The following PCDHGA1 variants were observed in gnomAD, a reference collection of about 807,000 sequenced individuals.
PCDHGA1 encodes the protein protocadherin gamma subfamily A, 1, also known as protocadherin gamma-A1.
PCDHGA1 carries 32 observed loss-of-function variants against 58.0 expected under a neutral mutation model. That is an observed-to-expected ratio of 0.55 (90% confidence interval 0.42 to 0.74). The LOEUF is 0.74. PCDHGA1 is among the 30% of genes least tolerant of loss of function. The probability of loss-of-function intolerance (pLI) is 0.00; values close to 1 mark genes in which losing one functional copy is unlikely to be tolerated. For synonymous variants in PCDHGA1, 498 were observed against 501.1 expected (o/e 0.99, Z 0.08); for missense variants, 1,205 against 1,182.3 (o/e 1.02, Z -0.28).
At chr5:141,457,802 T>C (rs1332412750) in intron 1 of PCDHGA1, among the ~76,000 whole-genome samples, 1 of 152,210 alleles carries the variant, frequency 6.6e-6, no homozygotes, top group Non-Finnish European at 1.5e-5. Context: ...TCCTCTCCTC[T>C]TGAGGTCCCA....
At chr5:141,426,876 C>T (rs796453479) in intron 1 of PCDHGA1, 2 of 456,726 alleles carry the variant, frequency 4.4e-6, no homozygotes, top group African/African-American at 2.0e-5. Context: ...GGAGAAGCCC[C>T]TGGGCCAGGA....
At chr5:141,365,912 C>G in intron 1 of PCDHGA1, 1 of 1,614,238 alleles carries the variant, frequency 6.2e-7, no homozygotes, top group Non-Finnish European at 8.5e-7. Flanking sequence ...GTTGAGAGAC[C>G]TACAGTTGTG....
intron 1 of PCDHGA1, among the ~76,000 whole-genome samples, chr5:141,349,171 G>A (rs1007619179): frequency 6.6e-6 from 1 of 152,186 alleles, no homozygotes; most frequent in Non-Finnish European, 1.5e-5. Flanking sequence ...CCTGAGTTAA[G>A]TGATTCTGCT....
At chr5:141,342,752 A>G (rs1363363622) in intron 1 of PCDHGA1, 1 of 152,256 alleles carries the variant, frequency 6.6e-6, no homozygotes, top group African/African-American at 2.4e-5. Flanking sequence ...TATGTAATGC[A>G]TCATGATTGA....
At chr5:141,419,793 C>T in intron 1 of PCDHGA1, 1 of 1,614,072 alleles carries the variant, frequency 6.2e-7, no homozygotes, top group East Asian at 2.2e-5. Flanking sequence ...CTGCTAGTCG[C>T]TGTAAGAGAT....
intron 1 of PCDHGA1, among the ~76,000 whole-genome samples, chr5:141,387,513 TA>T (rs1226986342): frequency 5.3e-5 from 8 of 152,366 alleles, no homozygotes; most frequent in East Asian, 3.9e-4. Flanking sequence ...TAGACGTCAT[TA>T]AATATACAGA....
At chr5:141,339,984 T>G (rs780150881) in intron 1 of PCDHGA1, 1 of 1,614,088 alleles carries the variant, frequency 6.2e-7, no homozygotes, top group Non-Finnish European at 8.5e-7. Flanking sequence ...GTCACGGTTC[T>G]GGATGTGAAT....
At chr5:141,422,500 G>A (rs762511271) in intron 1 of PCDHGA1, 1 of 1,614,008 alleles carries the variant, frequency 6.2e-7, no homozygotes, top group Non-Finnish European at 8.5e-7. Flanking sequence ...AACGTTGACA[G>A]CCACAGACCA....
intron 1 of PCDHGA1, chr5:141,357,628 C>A (rs1335077514): frequency 2.5e-6 from 4 of 1,613,256 alleles, no homozygotes; most frequent in Non-Finnish European, 2.5e-6. Context: ...TCAGGTGAGT[C>A]AATCTTATAA....
At chr5:141,469,362 G>C (rs915161729) in intron 1 of PCDHGA1, among the ~76,000 whole-genome samples, 14 of 152,084 alleles carry the variant, frequency 9.2e-5, no homozygotes, top group Non-Finnish European at 7.4e-5. Flanking sequence ...GGATCATGAG[G>C]TAAAGAGATC....
chr5:141,345,756 G>A (rs1284444428), intron 1 of PCDHGA1: 2 of 1,614,198 alleles, frequency 1.2e-6, no homozygotes, highest in Non-Finnish European at 1.7e-6. Context: ...TTCCACTGGC[G>A]TGGAGCTGGC....
At position 141,371,231 on chromosome 5, in the gene PCDHGA1, T is replaced by C. The variant is rs770415345; in HGVS notation, c.2421+38126T>C. 5.6e-6 allele frequency: 9 copies of C among 1,613,934 alleles called. No homozygotes were observed. In the African/African-American group the frequency reaches 6.7e-5, roughly 12 times the overall value. ...AGGGCATCAATGCCGAAATCATCTA[T>C]GCCTTCATCAATATTGGCAAGGAAG... On this transcript the variant is annotated intron_variant, in intron 1 of 3. Coordinates refer to ENST00000517417, the MANE Select transcript of PCDHGA1 (RefSeq NM_018912.3).
Position 141,476,876 on chromosome 5 carries a change from C to A in PCDHGA1, c.2422-17931C>A, listed in dbSNP as rs1201654822. 1.2e-6 allele frequency: 2 copies of A among 1,613,994 alleles called. No individual in the cohort carries two copies. Among genetic ancestry groups the A allele is most frequent in the Non-Finnish European group, 1.7e-6 (2 of 1,180,048 alleles). ...CCAGTCCTTGTACCGGGCGCGCGTC[C>A]TGGAGGATGCACCCTCCGGCACGCG... On this transcript the variant is annotated intron_variant, in intron 1 of 3. Transcript: ENST00000517417. The surrounding 1 kb of genome is among the most constrained non-coding windows in gnomAD (Gnocchi z 7.6).
chr5:141,344,631 C>T (rs769723032), intron 1 of PCDHGA1: 5 of 1,613,924 alleles, frequency 3.1e-6, no homozygotes, highest in Non-Finnish European at 4.2e-6. Context: ...GGAGCGGGCC[C>T]TGGACCGTGA....
intron 1 of PCDHGA1, chr5:141,345,155 A>AG: frequency 1.2e-6 from 2 of 1,614,040 alleles, no homozygotes; most frequent in Middle Eastern, 3.3e-4. Flanking sequence ...TGCATGACCG[A>AG]GATTCTGGGC....
intron 1 of PCDHGA1, chr5:141,389,444 C>T: frequency 6.2e-7 from 1 of 1,610,564 alleles, no homozygotes; most frequent in South Asian, 1.1e-5. Flanking sequence ...CCTTCGACCA[C>T]GAGCAGCTGC....
intron 1 of PCDHGA1, chr5:141,400,564 C>T: frequency 6.2e-7 from 1 of 1,612,936 alleles, no homozygotes; most frequent in South Asian, 1.1e-5. Context: ...ATTACCCACC[C>T]AATTTTCTGT....
intron 1 of PCDHGA1, 180 bp downstream of exon 1, chr5:141,333,285 T>C: frequency 2.1e-6 from 2 of 942,782 alleles, no homozygotes; most frequent in East Asian, 2.6e-5. Flanking sequence ...ATATTTATAA[T>C]TGTTCTTGCA....
chr5:141,416,101 C>CT (rs34144584), intron 1 of PCDHGA1: 1 of 158,972 alleles, frequency 6.3e-6, no homozygotes, highest in Non-Finnish European at 1.4e-5. Context: ...GGCAATAGGC[C>CT]TTTTTCAAAC....
Sources: allele counts gnomAD v4.1 joint callset (sites outside exome capture counted in the v4.1 genomes callset), GRCh38; gene constraint gnomAD v4.1.1; non-coding constraint Gnocchi (gnomAD v3.1); transcripts MANE v1.5; gene names NCBI Gene and HGNC (gene_info 2026-07-23, HGNC 2026-07-21).